The following LDB2 variants were observed in gnomAD, a reference collection of about 807,000 sequenced individuals.
The protein encoded by LDB2 is LIM domain binding 2.
LDB2 carries 12 observed loss-of-function variants against 44.3 expected under a neutral mutation model. That is an observed-to-expected ratio of 0.27 (90% CI 0.17 to 0.44). The LOEUF is 0.44. Among genes scored for constraint, LDB2 ranks in the 20% least tolerant of loss-of-function variants. The pLI, the probability that LDB2 is intolerant of heterozygous loss-of-function variation, is 1.00. For synonymous variants in LDB2, 164 were observed against 174.8 expected (o/e 0.94, Z 0.49); for missense variants, 344 against 473.5 (o/e 0.73, Z 2.54).
chr4:16,573,281 T>A (rs1747228849), intron 5 of LDB2, among the ~76,000 whole-genome samples: 1 of 152,182 alleles, frequency 6.6e-6, no homozygotes, highest in Non-Finnish European at 1.5e-5. Context: ...ACGGAGCTGG[T>A]TTCTGAATCA....
At chr4:16,876,656 T>G (rs1435316814) in intron 1 of LDB2, among the ~76,000 whole-genome samples, 1 of 152,156 alleles carries the variant, frequency 6.6e-6, no homozygotes, top group Non-Finnish European at 1.5e-5. Context: ...CATACAGGTT[T>G]GTGGAGGGTT....
intron 2 of LDB2, among the ~76,000 whole-genome samples, chr4:16,727,274 G>A (rs1376627290): frequency 1.3e-5 from 2 of 152,158 alleles, no homozygotes; most frequent in Non-Finnish European, 2.9e-5. Context: ...AGAAGAGCAG[G>A]GGAGGTTCTT....
chr4:16,755,472 G>GGTGTGTGTGTGTGTGTGT lies in LDB2; in HGVS notation c.235+3668_235+3685dup, dbSNP rs58186199. ...TAGCTATGGCATGATGTAGGAATAGGGTGTGTGTGTGTGTGTGTGTGTGTG... is the reference window on the plus strand; with the variant it reads ...TAGCTATGGCATGATGTAGGAATAGGGTGTGTGTGTGTGTGTGTGTGTGTGTGTGTGTGTGTGTGTGTG... On this transcript the variant is annotated intron_variant, in intron 2 of 7. Coordinates refer to ENST00000304523, the MANE Select transcript of LDB2 (RefSeq NM_001290.5). Among the ~76,000 whole-genome samples, 36 of 118,296 alleles carry GGTGTGTGTGTGTGTGTGT rather than the reference G, an allele frequency of 3.0e-4. 1 individual carries two copies. Among genetic ancestry groups the GGTGTGTGTGTGTGTGTGT allele is most frequent in the Middle Eastern group, 4.5e-3 (1 of 220 alleles). The allele number at this position is 118,296 out of a possible 152,430, so 77.6% of individuals were successfully genotyped here.
chr4:16,801,438 A>G (rs1777803768), intron 1 of LDB2, among the ~76,000 whole-genome samples: 1 of 152,218 alleles, frequency 6.6e-6, no homozygotes, highest in Non-Finnish European at 1.5e-5. Flanking sequence ...TGGAAGTATA[A>G]TAGGACCACT....
intron 2 of LDB2, among the ~76,000 whole-genome samples, chr4:16,731,587 G>A (rs1483489533): frequency 2.0e-5 from 3 of 152,198 alleles, no homozygotes; most frequent in Non-Finnish European, 4.4e-5. Context: ...GTCAGAAAGA[G>A]AGCCCTCAAC....
intron 2 of LDB2, among the ~76,000 whole-genome samples, chr4:16,600,876 G>A (rs1191412898): frequency 6.6e-6 from 1 of 152,082 alleles, no homozygotes; most frequent in Admixed American, 6.6e-5. Flanking sequence ...ACAAAATGGT[G>A]TAATACAAGC....
chr4:16,679,196 A>G (rs976863560), intron 2 of LDB2, among the ~76,000 whole-genome samples: 10 of 152,222 alleles, frequency 6.6e-5, no homozygotes, highest in Non-Finnish European at 1.5e-4. Flanking sequence ...GTATAAAAAT[A>G]AAACAATTTT....
intron 1 of LDB2, among the ~76,000 whole-genome samples, chr4:16,883,167 G>A (rs1720658927): frequency 6.6e-6 from 1 of 152,194 alleles, no homozygotes; most frequent in Non-Finnish European, 1.5e-5. Context: ...ACCAAAGAAG[G>A]TGGGAGAAAA....
At chr4:16,629,230 C>T (rs886259321) in intron 2 of LDB2, among the ~76,000 whole-genome samples, 1 of 152,212 alleles carries the variant, frequency 6.6e-6, no homozygotes, top group Non-Finnish European at 1.5e-5. Context: ...ACAGCTTCTT[C>T]AGACTTAAAC....
chr4:16,693,083 G>A (rs1477718901), intron 2 of LDB2, among the ~76,000 whole-genome samples: 2 of 152,310 alleles, frequency 1.3e-5, no homozygotes, highest in East Asian at 3.9e-4. Flanking sequence ...AATAAAATGA[G>A]TTTCGAGGGC....
intron 2 of LDB2, among the ~76,000 whole-genome samples, chr4:16,713,864 T>C (rs1756458188): frequency 6.6e-6 from 1 of 152,198 alleles, no homozygotes. Context: ...AGCAATAGAC[T>C]CTGGCTAGGG....
At chr4:16,658,827 G>A (rs1414551149) in intron 2 of LDB2, among the ~76,000 whole-genome samples, 2 of 152,174 alleles carry the variant, frequency 1.3e-5, no homozygotes. Flanking sequence ...TGTATCTTTA[G>A]CTCCGTTTAC....
chr4:16,630,742 G>T (rs1478901983), intron 2 of LDB2, among the ~76,000 whole-genome samples: 2 of 152,094 alleles, frequency 1.3e-5, no homozygotes, highest in Non-Finnish European at 2.9e-5. Context: ...GATGGAGGAA[G>T]ATCTACCAAG....
At chr4:16,563,429 A>ATT (rs1169491759) in intron 5 of LDB2, among the ~76,000 whole-genome samples, 768 of 46,558 alleles carry the variant, frequency 0.016, 280 homozygotes, top group Non-Finnish European at 0.022. Flanking sequence ...CAGTCATCAG[A>ATT]TTTTTTTTTT....
intron 5 of LDB2, among the ~76,000 whole-genome samples, chr4:16,538,764 C>A (rs1440321791): frequency 2.0e-5 from 3 of 152,106 alleles, no homozygotes. Context: ...CTTCATTCAC[C>A]AAATATTTGT....
intron 2 of LDB2, among the ~76,000 whole-genome samples, chr4:16,690,462 G>GAAGC (rs1750369329): frequency 2.0e-5 from 1 of 49,904 alleles, no homozygotes; most frequent in Non-Finnish European, 4.2e-5. Flanking sequence ...GACCCTGCAG[G>GAAGC]AAGGAAGGAA....
At chr4:16,863,619 C>T (rs545373515) in intron 1 of LDB2, among the ~76,000 whole-genome samples, 16 of 150,560 alleles carry the variant, frequency 1.1e-4, no homozygotes, top group Non-Finnish European at 2.1e-4. Context: ...CACTTCCAGG[C>T]CTGACTCTAA....
intron 2 of LDB2, among the ~76,000 whole-genome samples, chr4:16,619,885 G>C (rs1003937315): frequency 6.7e-6 from 1 of 149,848 alleles, no homozygotes; most frequent in East Asian, 2.0e-4. Flanking sequence ...AATATTAATA[G>C]TAAGGAAAAT....
intron 5 of LDB2, among the ~76,000 whole-genome samples, chr4:16,514,112 C>A (rs565305988): frequency 7.1e-4 from 108 of 152,348 alleles, no homozygotes; most frequent in African/African-American, 2.5e-3. Context: ...AGGTCATACT[C>A]TCTTTGTCCA....
Sources: allele counts gnomAD v4.1 joint callset (sites outside exome capture counted in the v4.1 genomes callset), GRCh38; gene constraint gnomAD v4.1.1; transcripts MANE v1.5; gene names NCBI Gene and HGNC (gene_info 2026-07-23, HGNC 2026-07-21).